SLC22A23: variants seen among roughly 807,000 people sequenced by gnomAD.
SLC22A23 encodes solute carrier family 22 member 23.
A neutral mutation model predicts 61.0 loss-of-function variants in SLC22A23; 26 were observed. The ratio of observed to expected loss-of-function variants is 0.43; its 90% CI spans 0.31 to 0.59. The LOEUF (loss-of-function observed/expected upper bound fraction) is 0.59, where lower values mean the gene tolerates loss of function less well. SLC22A23 is among the 20% of genes least tolerant of loss of function. SLC22A23 has a pLI of 0.11. For synonymous variants in SLC22A23, 430 were observed against 413.9 expected (o/e 1.04, Z -0.47); for missense variants, 796 against 934.7 (o/e 0.85, Z 1.94).
At chr6:3,418,428 T>C (rs1168206057) in intron 1 of SLC22A23, among the ~76,000 whole-genome samples, 1 of 152,272 alleles carries the variant, frequency 6.6e-6, no homozygotes, top group Non-Finnish European at 1.5e-5. Context: ...TTCAGCCACC[T>C]GAGCAATGAC....
intron 4 of SLC22A23, among the ~76,000 whole-genome samples, chr6:3,301,789 C>A (rs975189472): frequency 2.0e-5 from 3 of 152,260 alleles, no homozygotes; most frequent in African/African-American, 7.2e-5. Context: ...TTGATTTATC[C>A]TCAAGTGTTA....
intron 3 of SLC22A23, among the ~76,000 whole-genome samples, chr6:3,384,736 A>C (rs374214294): frequency 2.0e-4 from 30 of 152,368 alleles, no homozygotes; most frequent in African/African-American, 7.0e-4. Flanking sequence ...ATGATCCAGC[A>C]TTTCTACTTC....
At chr6:3,284,940 G>A (rs1163317107) in intron 8 of SLC22A23, 139 bp downstream of exon 8, 5 of 1,546,066 alleles carry the variant, frequency 3.2e-6, no homozygotes, top group East Asian at 2.4e-5. Flanking sequence ...TCCAACCTAC[G>A]GCCAACTTCA....
At chr6:3,275,833 T>C (rs1338046612) in intron 9 of SLC22A23, among the ~76,000 whole-genome samples, 2 of 152,230 alleles carry the variant, frequency 1.3e-5, no homozygotes, top group Non-Finnish European at 2.9e-5. Context: ...CCACCCGCCT[T>C]GGCCTCCCAA....
chr6:3,277,772 C>T (rs1158443793), intron 9 of SLC22A23, among the ~76,000 whole-genome samples: 1 of 152,258 alleles, frequency 6.6e-6, no homozygotes, highest in African/African-American at 2.4e-5. Flanking sequence ...AATTCCCACC[C>T]TTGTGCCTTG....
At chr6:3,396,459 G>C (rs985246830) in intron 3 of SLC22A23, among the ~76,000 whole-genome samples, 7 of 152,196 alleles carry the variant, frequency 4.6e-5, no homozygotes, top group Non-Finnish European at 8.8e-5. Flanking sequence ...TGAGGCAGGA[G>C]AATCACTTGA....
chr6:3,381,990 C>T (rs996552941), intron 3 of SLC22A23, among the ~76,000 whole-genome samples: 12 of 152,192 alleles, frequency 7.9e-5, no homozygotes, highest in African/African-American at 2.2e-4. Context: ...GCCTCACTTA[C>T]CCTGATGTCA....
intron 3 of SLC22A23, among the ~76,000 whole-genome samples, chr6:3,401,622 C>T (rs1768397980): frequency 6.6e-6 from 1 of 152,190 alleles, no homozygotes; most frequent in African/African-American, 2.4e-5. Flanking sequence ...TTTTCAATGT[C>T]CTGCATCACT....
At chr6:3,402,760 C>T (rs1022839404) in intron 3 of SLC22A23, among the ~76,000 whole-genome samples, 9 of 152,246 alleles carry the variant, frequency 5.9e-5, no homozygotes, top group African/African-American at 2.2e-4. Context: ...TCTTCACTCA[C>T]TAAACTCTGA....
In SLC22A23 at chr6:3,330,745, T is replaced by C. The variant is rs572904514; in HGVS notation, c.914-6743A>G. 6.6e-6 allele frequency among the ~76,000 whole-genome samples: 1 copy of C among 152,318 alleles called. No homozygotes were observed. The highest frequency in any genetic ancestry group is 6.5e-5 in the Admixed American group (1 of 15,308). ...CATCTCCCCTTCCGCGTGGAAGGCG[T>C]CCTCTTTCCTCTTAACTTAGGATCT... On this transcript the variant is annotated intron_variant, in intron 3 of 9. Coordinates refer to ENST00000406686, the MANE Select transcript of SLC22A23 (RefSeq NM_015482.2). This position sits in a 1 kb window ranked among gnomAD's most constrained non-coding sequence, Gnocchi z 4.7.
At chr6:3,279,413 A>T (rs980295157) in intron 9 of SLC22A23, among the ~76,000 whole-genome samples, 8 of 148,584 alleles carry the variant, frequency 5.4e-5, no homozygotes, top group Non-Finnish European at 1.5e-5. Context: ...TGGGAGGCTG[A>T]GGCAGGAGAA....
intron 4 of SLC22A23, among the ~76,000 whole-genome samples, chr6:3,300,531 G>A (rs1761524267): frequency 1.3e-5 from 2 of 152,106 alleles, no homozygotes; most frequent in East Asian, 1.9e-4. Context: ...AGCAACACAC[G>A]CTTGCCAGAC....
intron 1 of SLC22A23, among the ~76,000 whole-genome samples, chr6:3,451,224 GTC>G (rs1406113081): frequency 6.6e-6 from 1 of 152,234 alleles, no homozygotes; most frequent in Non-Finnish European, 1.5e-5. Context: ...TTGAGACAGG[GTC>G]TCACTCTGTC....
intron 1 of SLC22A23, among the ~76,000 whole-genome samples, chr6:3,437,110 C>A (rs1232677428): frequency 6.6e-6 from 1 of 152,176 alleles, no homozygotes; most frequent in African/African-American, 2.4e-5. Flanking sequence ...TCACCACCCT[C>A]CCATTGGTCA....
intron 3 of SLC22A23, among the ~76,000 whole-genome samples, chr6:3,405,426 C>G (rs1010069785): frequency 3.9e-5 from 6 of 152,210 alleles, no homozygotes; most frequent in Admixed American, 2.6e-4. Flanking sequence ...GATGGGGAAA[C>G]CGGGTGGAGA....
chr6:3,388,235 G>A (rs913706340), intron 3 of SLC22A23, among the ~76,000 whole-genome samples: 1 of 152,238 alleles, frequency 6.6e-6, no homozygotes, highest in Non-Finnish European at 1.5e-5. Context: ...TCAGGTGAAA[G>A]TGCTGGTGTC....
Position 3,286,948 on chromosome 6 carries a change from A to G in SLC22A23, c.1457T>C (p.Val486Ala). ...TCCCCTGCGCCCGAGGAATCGGACC[A>G]CCACGCACATGGCCAGGCAGGACAC... ...ALVSCLAMCV[V>A]VRFLGRRGGL... Residue 486 changes from valine to alanine, a missense_variant, in exon 7 of 10, where the codon GTG becomes GCG. Coordinates refer to ENST00000406686, the MANE Select transcript of SLC22A23 (RefSeq NM_015482.2). This position sits in a 1 kb window ranked among gnomAD's most constrained non-coding sequence, Gnocchi z 4.2. 2 of 1,614,048 alleles carry G rather than the reference A, an allele frequency of 1.2e-6. No individual in the cohort carries two copies. The highest frequency in any genetic ancestry group is 2.2e-5 in the South Asian group (2 of 91,080).
chr6:3,351,701 C>T lies in SLC22A23; in HGVS notation c.914-27699G>A, dbSNP rs1170634650. On this transcript the variant is annotated intron_variant, in intron 3 of 9. Coordinates refer to ENST00000406686, the MANE Select transcript of SLC22A23 (RefSeq NM_015482.2). ...AAGATTCTGTAACCCATCTCCTCCC[C>T]CAGCCACACTGTACCACAGGGTGGG... Among the ~76,000 whole-genome samples the T allele has an allele frequency of 1.3e-5, 2 of 152,206 alleles. 1 individual carries two copies. Among genetic ancestry groups the T allele is most frequent in the African/African-American group, 4.8e-5 (2 of 41,446 alleles).
At chr6:3,453,118 T>C (rs1202719571) in intron 1 of SLC22A23, among the ~76,000 whole-genome samples, 2 of 152,182 alleles carry the variant, frequency 1.3e-5, no homozygotes, top group Admixed American at 1.3e-4. Context: ...GTACCATGCT[T>C]AAGAGACACA....
Sources: allele counts gnomAD v4.1 joint callset (sites outside exome capture counted in the v4.1 genomes callset), GRCh38; gene constraint gnomAD v4.1.1; non-coding constraint Gnocchi (gnomAD v3.1); transcripts MANE v1.5; gene names NCBI Gene and HGNC (gene_info 2026-07-23, HGNC 2026-07-21).